Variants in MCTP2 observed in about 807,000 individuals in gnomAD.
MCTP2 encodes the protein multiple C2 and transmembrane domain containing 2.
Under a neutral mutation model 111.6 loss-of-function variants are expected in MCTP2, and 132 were observed. That is an observed-to-expected ratio of 1.18 (90% CI 1.03 to 1.37). The LOEUF (loss-of-function observed/expected upper bound fraction) is 1.37, where lower values mean the gene tolerates loss of function less well. Ranked by LOEUF, MCTP2 falls within the 40% of genes most tolerant of loss-of-function variation. The pLI, the probability that MCTP2 is intolerant of heterozygous loss-of-function variation, is 0.00. For missense variants in MCTP2, 1,183 were observed against 1,067.9 expected (o/e 1.11, Z -1.50); for synonymous variants, 395 against 387.7 (o/e 1.02, Z -0.22).
chr15:94,235,336 A>G (rs917062644), intron 1 of MCTP2, among the ~76,000 whole-genome samples: 10 of 151,872 alleles, frequency 6.6e-5, no homozygotes, highest in African/African-American at 1.7e-4. Context: ...GCACCTACGT[A>G]CCTGAGATTA....
At chr15:94,347,705 C>T (rs2078058559) in intron 8 of MCTP2, among the ~76,000 whole-genome samples, 1 of 152,098 alleles carries the variant, frequency 6.6e-6, no homozygotes, top group African/African-American at 2.4e-5. Flanking sequence ...AGATTTGTTT[C>T]CAAGCCTTAT....
At chr15:94,420,227 A>C (rs1341389857) in intron 17 of MCTP2, among the ~76,000 whole-genome samples, 1 of 152,184 alleles carries the variant, frequency 6.6e-6, no homozygotes, top group Non-Finnish European at 1.5e-5. Context: ...ATTTTTTTCA[A>C]AATATCACTG....
chr15:94,477,484 A>G (rs914791470), intron 22 of MCTP2, among the ~76,000 whole-genome samples: 2 of 152,178 alleles, frequency 1.3e-5, no homozygotes, highest in African/African-American at 4.8e-5. Flanking sequence ...TCAGCCTGCT[A>G]TAAATCCAGA....
At chr15:94,367,091 G>GT (rs1269897200) in intron 10 of MCTP2, among the ~76,000 whole-genome samples, 2 of 152,102 alleles carry the variant, frequency 1.3e-5, no homozygotes, top group Non-Finnish European at 2.9e-5. Flanking sequence ...ACCTTAACGT[G>GT]TTTTTTAAAA....
At chr15:94,433,462 G>C (rs1327369061) in intron 17 of MCTP2, among the ~76,000 whole-genome samples, 1 of 152,118 alleles carries the variant, frequency 6.6e-6, no homozygotes, top group Non-Finnish European at 1.5e-5. Context: ...CCTAACATAC[G>C]TGATTTTTCT....
intron 1 of MCTP2, among the ~76,000 whole-genome samples, chr15:94,249,765 A>G (rs937242843): frequency 1.1e-4 from 16 of 152,182 alleles, no homozygotes; most frequent in African/African-American, 3.4e-4. Context: ...GATTACAGGC[A>G]TGAGCCACCG....
chr15:94,311,953 A>G (rs2076162439), intron 2 of MCTP2, among the ~76,000 whole-genome samples: 1 of 152,332 alleles, frequency 6.6e-6, no homozygotes. Context: ...TCCATTTGAA[A>G]GTAGAAGATA....
intron 17 of MCTP2, among the ~76,000 whole-genome samples, chr15:94,405,463 T>C (rs184126210): frequency 6.6e-6 from 1 of 152,320 alleles, no homozygotes; most frequent in East Asian, 1.9e-4. Flanking sequence ...AGCAGGCTCT[T>C]AAGATCTAGG....
In MCTP2 at chr15:94,481,670, A is replaced by G. The variant is rs2074734223; in HGVS notation, c.*2636A>G. On this transcript the variant is annotated 3_prime_UTR_variant, in exon 23 of 23. Transcript: ENST00000357742. ...AGTCCTGTGGCTGGATGTGACTCCAACTTCCTTTTTTGTACCATCACATCT... is the reference window on the plus strand; with the variant it reads ...AGTCCTGTGGCTGGATGTGACTCCAGCTTCCTTTTTTGTACCATCACATCT... The G allele has an allele frequency of 1.3e-5, 2 of 152,308 alleles. No homozygotes were observed. The highest frequency in any genetic ancestry group is 2.9e-5 in the Non-Finnish European group (2 of 68,110). The allele number at this position is 152,308 out of a possible 1,614,324, so 9.4% of individuals were successfully genotyped here. A position where few individuals can be genotyped will look rare whatever the true frequency, so the allele number is the denominator to read the frequency against.
chr15:94,351,822 A>G (rs1266688814), intron 8 of MCTP2, among the ~76,000 whole-genome samples: 1 of 152,116 alleles, frequency 6.6e-6, no homozygotes, highest in Non-Finnish European at 1.5e-5. Flanking sequence ...GTTGAATGTA[A>G]TCTTGCTTTA....
rs1441798145 is a variant in MCTP2 at position 94,480,034 on chromosome 15, A to T, written c.*1000A>T. ...TCCTCTTAGAAGTAAAATAAGCTACATACAATAAAAATTTATTTCAGAACC... is the reference window on the plus strand; with the variant it reads ...TCCTCTTAGAAGTAAAATAAGCTACTTACAATAAAAATTTATTTCAGAACC... On this transcript the variant is annotated 3_prime_UTR_variant, in exon 23 of 23. Transcript: ENST00000357742. 1 of 152,152 alleles carries T rather than the reference A, an allele frequency of 6.6e-6. No individual in the cohort carries two copies. The highest frequency in any genetic ancestry group is 2.4e-5 in the African/African-American group (1 of 41,424). The allele number at this position is 152,152 out of a possible 1,614,324, so 9.4% of individuals were successfully genotyped here.
At chr15:94,351,146 T>C (rs1182227183) in intron 8 of MCTP2, among the ~76,000 whole-genome samples, 1 of 152,214 alleles carries the variant, frequency 6.6e-6, no homozygotes, top group Non-Finnish European at 1.5e-5. Flanking sequence ...CAAGTATAAA[T>C]TGCAACTTCT....
chr15:94,371,978 T>A (rs1216456002), intron 12 of MCTP2, among the ~76,000 whole-genome samples: 1 of 152,124 alleles, frequency 6.6e-6, no homozygotes, highest in African/African-American at 2.4e-5. Flanking sequence ...AAAGAGTATT[T>A]TGACTATTAA....
intron 1 of MCTP2, among the ~76,000 whole-genome samples, chr15:94,292,500 A>C (rs1252381080): frequency 6.6e-6 from 1 of 152,186 alleles, no homozygotes; most frequent in Admixed American, 6.5e-5. Flanking sequence ...TGGAAACAAA[A>C]ATGAAAAGCC....
rs1453715656 is a variant in MCTP2, at chr15:94,260,428, T to A, written c.-66+28764T>A. Among the ~76,000 whole-genome samples, 5 of 152,214 alleles carry A rather than the reference T, an allele frequency of 3.3e-5. No individual in the cohort carries two copies. In the East Asian group the frequency reaches 9.6e-4, roughly 29 times the overall value. On this transcript the variant is annotated intron_variant, in intron 1 of 22. Transcript: ENST00000357742. ...TTCCAGAGTGACAGTGCCAACTCTC[T>A]TCTTCTTTCTGCCCTCTCGTCTTCT...
At chr15:94,423,070 T>G (rs1190622486) in intron 17 of MCTP2, among the ~76,000 whole-genome samples, 1 of 152,182 alleles carries the variant, frequency 6.6e-6, no homozygotes, top group Non-Finnish European at 1.5e-5. Context: ...TGGGTATATG[T>G]CTTCTAATTG....
At chr15:94,452,232 A>G (rs2084506362) in intron 19 of MCTP2, among the ~76,000 whole-genome samples, 1 of 152,242 alleles carries the variant, frequency 6.6e-6, no homozygotes, top group Admixed American at 6.5e-5. Flanking sequence ...GTATATTGCT[A>G]GATATAAAGA....
chr15:94,339,712 A>G (rs1349036646), intron 5 of MCTP2, among the ~76,000 whole-genome samples: 1 of 152,226 alleles, frequency 6.6e-6, no homozygotes, highest in Admixed American at 6.5e-5. Flanking sequence ...CAAGTACTAA[A>G]GCCTTTCTCA....
chr15:94,310,968 A>T (rs1011496727), intron 2 of MCTP2, among the ~76,000 whole-genome samples: 2 of 151,488 alleles, frequency 1.3e-5, no homozygotes, highest in Non-Finnish European at 2.9e-5. Context: ...ACATAAACAA[A>T]AAACTAAGGG....
Sources: allele counts gnomAD v4.1 joint callset (sites outside exome capture counted in the v4.1 genomes callset), GRCh38; gene constraint gnomAD v4.1.1; transcripts MANE v1.5; gene names NCBI Gene and HGNC (gene_info 2026-07-23, HGNC 2026-07-21).